Variants in CDK6 observed in about 807,000 individuals in gnomAD.
The protein encoded by CDK6 is cyclin-dependent kinase 6.
A neutral mutation model predicts 37.1 loss-of-function variants in CDK6; 6 were observed. The ratio of observed to expected loss-of-function variants is 0.16; its 90% CI spans 0.09 to 0.32. The LOEUF is 0.32. CDK6 is among the 10% of genes least tolerant of loss of function. CDK6 has a pLI of 1.00. For missense variants in CDK6, 224 were observed against 418.9 expected (o/e 0.53, Z 4.06); for synonymous variants, 160 against 161.3 (o/e 0.99, Z 0.06).
chr7:92,615,349 A>C, intron 7 of CDK6, 63 bp from the exon 8 acceptor site: 3 of 1,366,346 alleles, frequency 2.2e-6, no homozygotes, highest in South Asian at 2.4e-5. Context: ...ATGTACTTAC[A>C]GAGTTATCCC....
At chr7:92,666,184 G>T (rs1212882148) in intron 5 of CDK6, among the ~76,000 whole-genome samples, 1 of 152,170 alleles carries the variant, frequency 6.6e-6, no homozygotes, top group African/African-American at 2.4e-5. Context: ...AATCCCAACT[G>T]CTGGCCTTCC....
intron 2 of CDK6, among the ~76,000 whole-genome samples, chr7:92,821,906 T>C (rs1240839346): frequency 6.6e-6 from 1 of 152,032 alleles, no homozygotes; most frequent in Non-Finnish European, 1.5e-5. Context: ...CTTCACTGCT[T>C]ATAAAGGCAG....
chr7:92,709,176 A>G (rs1798031707), intron 4 of CDK6, among the ~76,000 whole-genome samples: 1 of 151,856 alleles, frequency 6.6e-6, no homozygotes, highest in Non-Finnish European at 1.5e-5. Context: ...CCTGCCATCA[A>G]TTTCTTAATT....
At position 92,612,013 on chromosome 7, in the gene CDK6, A is replaced by G. The variant is rs571221962; in HGVS notation, c.*3127T>C. Reference sequence around the variant, plus strand: ...AGGCTCCAACCCACTGGGTTCTTACAAGTGCTTAGAAATTGTATTTTTAAG... The same window carrying G: ...AGGCTCCAACCCACTGGGTTCTTACGAGTGCTTAGAAATTGTATTTTTAAG... On this transcript the variant is annotated 3_prime_UTR_variant, in exon 8 of 8. Coordinates refer to ENST00000424848, the MANE Select transcript of CDK6 (RefSeq NM_001145306.2). 1.5e-4 allele frequency: 36 copies of G among 232,878 alleles called. No individual in the cohort carries two copies. In the South Asian group the frequency reaches 5.1e-3, roughly 33 times the overall value. 14.4% of individuals were successfully genotyped at this position (232,878 alleles called of 1,614,324 possible).
At chr7:92,676,563 C>T (rs1001148905) in intron 4 of CDK6, among the ~76,000 whole-genome samples, 2 of 151,992 alleles carry the variant, frequency 1.3e-5, no homozygotes, top group East Asian at 1.9e-4. Flanking sequence ...TTTTCCTTCC[C>T]CCAGTATCTC....
At chr7:92,669,031 T>C (rs1562930148) in intron 5 of CDK6, among the ~76,000 whole-genome samples, 2 of 152,378 alleles carry the variant, frequency 1.3e-5, no homozygotes, top group Non-Finnish European at 1.5e-5. Flanking sequence ...ATGTCTCACT[T>C]TTCCAGCAAA....
rs988713409 is a variant in CDK6 at position 92,614,971 on chromosome 7, A to T, written c.*169T>A. 6 of 592,150 alleles carry T rather than the reference A, an allele frequency of 1.0e-5. No individual in the cohort carries two copies. The highest frequency in any genetic ancestry group is 8.9e-5 in the Admixed American group (3 of 33,640). The allele number at this position is 592,150 out of a possible 1,614,324, so 36.7% of individuals were successfully genotyped here. ...TGCAATCACTCTTGCATTGATTTCA[A>T]AACAGTAAACTAGGCGGTTTCCTTG... On this transcript the variant is annotated 3_prime_UTR_variant, in exon 8 of 8. Coordinates refer to ENST00000424848, the MANE Select transcript of CDK6 (RefSeq NM_001145306.2).
At chr7:92,741,115 G>A (rs1689900279) in intron 3 of CDK6, among the ~76,000 whole-genome samples, 1 of 152,150 alleles carries the variant, frequency 6.6e-6, no homozygotes, top group Admixed American at 6.5e-5. Flanking sequence ...TTAAATAAAC[G>A]ATGATGTGTC....
intron 5 of CDK6, among the ~76,000 whole-genome samples, chr7:92,663,462 T>G (rs977132261): frequency 1.3e-5 from 2 of 151,986 alleles, no homozygotes; most frequent in Admixed American, 6.5e-5. Flanking sequence ...CTTAGTACTT[T>G]GGGAGGCCAA....
intron 4 of CDK6, among the ~76,000 whole-genome samples, chr7:92,713,181 C>T (rs1260541209): frequency 6.6e-6 from 1 of 152,108 alleles, no homozygotes; most frequent in Non-Finnish European, 1.5e-5. Flanking sequence ...TTACAATTCA[C>T]AATGGGCTAT....
chr7:92,789,058 T>A (rs978892121), intron 2 of CDK6, among the ~76,000 whole-genome samples: 6 of 152,032 alleles, frequency 3.9e-5, no homozygotes, highest in African/African-American at 1.2e-4. Context: ...CCCAGAAGTT[T>A]GAGGCTACAG....
intron 3 of CDK6, among the ~76,000 whole-genome samples, chr7:92,759,982 C>G (rs1799414775): frequency 2.6e-5 from 4 of 152,120 alleles, no homozygotes. Flanking sequence ...ATTCAGCATT[C>G]ATAATATCTT....
At chr7:92,719,355 T>C (rs569501290) in intron 4 of CDK6, among the ~76,000 whole-genome samples, 1 of 152,340 alleles carries the variant, frequency 6.6e-6, no homozygotes, top group Middle Eastern at 3.4e-3. Flanking sequence ...GGGAATCTTA[T>C]CAGTTACAGA....
intron 5 of CDK6, among the ~76,000 whole-genome samples, chr7:92,669,825 G>T (rs1306348326): frequency 6.6e-6 from 1 of 152,180 alleles, no homozygotes; most frequent in African/African-American, 2.4e-5. Flanking sequence ...CAACCCAGGG[G>T]TTCTTATCCT....
intron 3 of CDK6, among the ~76,000 whole-genome samples, chr7:92,760,596 T>A (rs1799429669): frequency 6.6e-6 from 1 of 152,172 alleles, no homozygotes; most frequent in Non-Finnish European, 1.5e-5. Context: ...GTCATTTTTG[T>A]AGGGCAAAAC....
intron 3 of CDK6, among the ~76,000 whole-genome samples, chr7:92,770,683 A>G (rs949966101): frequency 1.8e-4 from 27 of 152,130 alleles, no homozygotes; most frequent in Non-Finnish European, 3.8e-4. Context: ...ATGAAATGAT[A>G]AGCAAAATGA....
At chr7:92,771,435 G>A (rs974403992) in intron 3 of CDK6, among the ~76,000 whole-genome samples, 7 of 152,016 alleles carry the variant, frequency 4.6e-5, no homozygotes, top group African/African-American at 4.8e-5. Context: ...TAATACCTAT[G>A]ATTTGGATCC....
intron 2 of CDK6, among the ~76,000 whole-genome samples, chr7:92,809,196 G>A (rs1800810636): frequency 6.6e-6 from 1 of 152,022 alleles, no homozygotes; most frequent in African/African-American, 2.4e-5. Context: ...AAACAAATTG[G>A]CTGTCAACAT....
chr7:92,763,950 T>C (rs140747454), intron 3 of CDK6, among the ~76,000 whole-genome samples: 4 of 152,264 alleles, frequency 2.6e-5, no homozygotes, highest in East Asian at 1.9e-4. Context: ...CCCCAGGTGG[T>C]TGATTCACTG....
Sources: allele counts gnomAD v4.1 joint callset (sites outside exome capture counted in the v4.1 genomes callset), GRCh38; gene constraint gnomAD v4.1.1; transcripts MANE v1.5; gene names NCBI Gene and HGNC (gene_info 2026-07-23, HGNC 2026-07-21).